Variants in CDKAL1 observed in about 807,000 individuals in gnomAD.
CDKAL1 encodes the protein CDKAL1 threonylcarbamoyladenosine tRNA methylthiotransferase, also known as threonylcarbamoyladenosine tRNA methylthiotransferase.
CDKAL1 carries 32 observed loss-of-function variants against 68.2 expected under a neutral mutation model. The ratio of observed to expected loss-of-function variants is 0.47; its 90% CI spans 0.35 to 0.63. The LOEUF (loss-of-function observed/expected upper bound fraction) is 0.63. CDKAL1 is among the 30% of genes least tolerant of loss of function. The pLI is 0.00. For missense variants in CDKAL1, 606 were observed against 696.7 expected (o/e 0.87, Z 1.47); for synonymous variants, 234 against 244.3 (o/e 0.96, Z 0.39).
At chr6:21,127,823 CT>C (rs150280169) in intron 13 of CDKAL1, among the ~76,000 whole-genome samples, 1,610 of 152,140 alleles carry the variant, frequency 0.011, 23 homozygotes, top group African/African-American at 0.036. Context: ...TGAGTTTAAG[CT>C]TTTTTGCAAA....
chr6:21,031,279 G>A (rs1769273912), intron 11 of CDKAL1, among the ~76,000 whole-genome samples: 1 of 151,570 alleles, frequency 6.6e-6, no homozygotes, highest in African/African-American at 2.4e-5. Flanking sequence ...CAACATGGGT[G>A]TCTGCTTTCT....
chr6:20,735,083 T>G (rs1211162796), intron 5 of CDKAL1, among the ~76,000 whole-genome samples: 8 of 151,608 alleles, frequency 5.3e-5, no homozygotes, highest in Admixed American at 4.6e-4. Flanking sequence ...TTGGCCAGAC[T>G]GGTCTCGAAC....
intron 5 of CDKAL1, among the ~76,000 whole-genome samples, chr6:20,662,517 C>T (rs1769335363): frequency 6.6e-6 from 1 of 152,044 alleles, no homozygotes; most frequent in Admixed American, 6.6e-5. Context: ...GAAAGGATGG[C>T]ACTTTTGTGG....
chr6:20,935,418 G>A (rs1763656821), intron 9 of CDKAL1, among the ~76,000 whole-genome samples: 1 of 150,546 alleles, frequency 6.6e-6, no homozygotes, highest in South Asian at 2.1e-4. Context: ...CCTGTATGGT[G>A]TGGAAAATTA....
intron 7 of CDKAL1, among the ~76,000 whole-genome samples, chr6:20,767,186 T>C (rs906489356): frequency 5.3e-5 from 8 of 152,164 alleles, no homozygotes; most frequent in South Asian, 2.1e-4. Flanking sequence ...TAAAATATAT[T>C]GAGAATAGAT....
intron 4 of CDKAL1, among the ~76,000 whole-genome samples, chr6:20,557,050 A>AAAATAAAT (rs70990047): frequency 3.4e-5 from 3 of 88,904 alleles, no homozygotes; most frequent in Admixed American, 1.2e-4. Flanking sequence ...TCAAAAAAAA[A>AAAATAAAT]AAATAAATAA....
chr6:20,838,695 G>A (rs190536751), intron 8 of CDKAL1, among the ~76,000 whole-genome samples: 16 of 152,192 alleles, frequency 1.1e-4, no homozygotes, highest in South Asian at 2.1e-4. Flanking sequence ...GGAGAGGCCC[G>A]GGTGCAGTGG....
intron 2 of CDKAL1, among the ~76,000 whole-genome samples, chr6:20,540,964 G>T (rs1319578030): frequency 6.6e-6 from 1 of 152,186 alleles, no homozygotes; most frequent in Non-Finnish European, 1.5e-5. Context: ...ACAGAGCCAT[G>T]GGGGCATTCT....
At chr6:21,145,028 G>T (rs753119065) in intron 13 of CDKAL1, among the ~76,000 whole-genome samples, 1 of 152,148 alleles carries the variant, frequency 6.6e-6, no homozygotes, top group Non-Finnish European at 1.5e-5. Flanking sequence ...GCCCTAGGTG[G>T]TCATGTCCCC....
chr6:21,031,214 G>C (rs1381748321), intron 11 of CDKAL1, among the ~76,000 whole-genome samples: 1 of 151,698 alleles, frequency 6.6e-6, no homozygotes, highest in African/African-American at 2.4e-5. Context: ...CTGCTGGCTG[G>C]GACCATTCTC....
intron 5 of CDKAL1, among the ~76,000 whole-genome samples, chr6:20,735,921 A>G (rs1773172118): frequency 6.6e-6 from 1 of 152,164 alleles, no homozygotes; most frequent in Non-Finnish European, 1.5e-5. Context: ...TTTATATTCA[A>G]TTGGATTCTC....
At chr6:21,195,382 C>T (rs528041544) in intron 13 of CDKAL1, among the ~76,000 whole-genome samples, 27 of 152,228 alleles carry the variant, frequency 1.8e-4, no homozygotes, top group African/African-American at 6.3e-4. Context: ...AGGCTGGTCT[C>T]GAACTCCTGG....
At chr6:20,969,166 A>T (rs1002711583) in intron 10 of CDKAL1, among the ~76,000 whole-genome samples, 1 of 152,152 alleles carries the variant, frequency 6.6e-6, no homozygotes, top group Non-Finnish European at 1.5e-5. Context: ...TGCAGTCAAA[A>T]ATCCATGTAT....
chr6:20,659,648 G>A (rs1769194762), intron 5 of CDKAL1, among the ~76,000 whole-genome samples: 1 of 152,114 alleles, frequency 6.6e-6, no homozygotes, highest in Non-Finnish European at 1.5e-5. Context: ...TCTTTGATCT[G>A]TATATCTCCT....
intron 5 of CDKAL1, among the ~76,000 whole-genome samples, chr6:20,681,246 C>T (rs928836023): frequency 1.3e-5 from 2 of 152,308 alleles, no homozygotes; most frequent in Non-Finnish European, 2.9e-5. Flanking sequence ...AACTCCTAAG[C>T]ATAAGCTGGA....
intron 4 of CDKAL1, among the ~76,000 whole-genome samples, chr6:20,618,506 G>A (rs1767030332): frequency 6.6e-6 from 1 of 152,150 alleles, no homozygotes; most frequent in Non-Finnish European, 1.5e-5. Flanking sequence ...TGTCCTGAAT[G>A]ATATTGCCTA....
intron 2 of CDKAL1, among the ~76,000 whole-genome samples, chr6:20,540,128 C>T (rs1452218275): frequency 6.9e-6 from 1 of 144,380 alleles, no homozygotes; most frequent in African/African-American, 2.7e-5. Context: ...GGCTGGAGTG[C>T]AGTGGTGAGA....
rs149489780 is a variant in CDKAL1 at position 20,779,082 on chromosome 6, A to T, written c.518-2063A>T. 3.0e-3 allele frequency among the ~76,000 whole-genome samples: 458 copies of T among 152,330 alleles called. 1 individual carries two copies. Among genetic ancestry groups the T allele is most frequent in the African/African-American group, 0.01 (435 of 41,570 alleles). ...CACTATGGAAATGAGTATTCAAACCACAGTCATATACCACTACACACCCAT... is the reference window on the plus strand; with the variant it reads ...CACTATGGAAATGAGTATTCAAACCTCAGTCATATACCACTACACACCCAT... On this transcript the variant is annotated intron_variant, in intron 7 of 15. Transcript: ENST00000274695.
chr6:20,986,032 A>G (rs1766434842), intron 10 of CDKAL1, among the ~76,000 whole-genome samples: 1 of 152,148 alleles, frequency 6.6e-6, no homozygotes, highest in Non-Finnish European at 1.5e-5. Context: ...AATGAGTCTA[A>G]GATGTTTTGC....
Sources: gnomAD v4.1 joint callset for allele counts (sites outside exome capture counted in the v4.1 genomes callset) on GRCh38, gnomAD v4.1.1 for gene constraint, MANE v1.5 for transcripts, NCBI Gene and HGNC (gene_info 2026-07-23, HGNC 2026-07-21) for gene names.